EVI5: variants seen among roughly 807,000 people sequenced by gnomAD.
EVI5 encodes ecotropic viral integration site 5, also known as ecotropic viral integration site 5 protein homolog.
In EVI5, 73 loss-of-function variants were observed where a neutral mutation model predicts 112.0. That is an observed-to-expected ratio of 0.65 (90% CI 0.54 to 0.79). The LOEUF (loss-of-function observed/expected upper bound fraction) is 0.79. Ranked by LOEUF, EVI5 falls within the 30% of genes least tolerant of loss-of-function variation. The pLI is 0.00. For missense variants in EVI5, 900 were observed against 968.8 expected, an observed-to-expected ratio of 0.93 and a Z score of 0.94; for synonymous variants, 305 against 319.9, an observed-to-expected ratio of 0.95 and a Z score of 0.50.
intron 5 of EVI5, among the ~76,000 whole-genome samples, chr1:92,698,207 C>T (rs574026453): frequency 4.5e-4 from 68 of 152,288 alleles, no homozygotes; most frequent in African/African-American, 1.5e-3. Context: ...AACCAACTGC[C>T]TCAACTTGCC....
intron 2 of EVI5, among the ~76,000 whole-genome samples, chr1:92,735,372 G>A (rs897527323): frequency 2.6e-5 from 4 of 152,046 alleles, no homozygotes; most frequent in South Asian, 2.1e-4. Flanking sequence ...TGGGGACAGC[G>A]ACGGGGATAA....
At chr1:92,744,064 CAT>C (rs948793391) in intron 1 of EVI5, among the ~76,000 whole-genome samples, 2 of 152,158 alleles carry the variant, frequency 1.3e-5, no homozygotes, top group Non-Finnish European at 2.9e-5. Flanking sequence ...GACTTCAACT[CAT>C]GTGTTACTTA....
intron 13 of EVI5, among the ~76,000 whole-genome samples, chr1:92,636,633 G>T (rs1457954322): frequency 6.6e-6 from 1 of 152,108 alleles, no homozygotes; most frequent in Non-Finnish European, 1.5e-5. Flanking sequence ...CATCCATCCA[G>T]ATACAAAGAA....
chr1:92,540,548 T>C (rs1232765475), intron 19 of EVI5, among the ~76,000 whole-genome samples: 1 of 152,214 alleles, frequency 6.6e-6, no homozygotes. Context: ...AATTGAATTG[T>C]AAGAGTTCTT....
intron 19 of EVI5, among the ~76,000 whole-genome samples, chr1:92,530,566 C>A (rs1264573188): frequency 6.6e-6 from 1 of 152,040 alleles, no homozygotes; most frequent in Non-Finnish European, 1.5e-5. Context: ...AGGTGCCCCT[C>A]TGGGACAAAG....
At chr1:92,552,451 C>T (rs1340530196) in intron 19 of EVI5, among the ~76,000 whole-genome samples, 2 of 152,166 alleles carry the variant, frequency 1.3e-5, no homozygotes, top group African/African-American at 4.8e-5. Context: ...ATCAAATTAA[C>T]TTTTCCACTT....
chr1:92,705,008 T>C (rs1671751355), intron 2 of EVI5, among the ~76,000 whole-genome samples: 1 of 152,126 alleles, frequency 6.6e-6, no homozygotes, highest in East Asian at 1.9e-4. Flanking sequence ...TTTCCCTTCG[T>C]CTCCATTAAA....
intron 18 of EVI5, among the ~76,000 whole-genome samples, chr1:92,580,288 G>A (rs182493731): frequency 6.6e-6 from 1 of 152,204 alleles, no homozygotes; most frequent in East Asian, 1.9e-4. Context: ...GTAATCTTTT[G>A]CAATTGTCTG....
chr1:92,717,598 C>T (rs938382254), intron 2 of EVI5, among the ~76,000 whole-genome samples: 1 of 152,122 alleles, frequency 6.6e-6, no homozygotes, highest in African/African-American at 2.4e-5. Flanking sequence ...ACATGACAAA[C>T]TGTAAAGACC....
At chr1:92,696,532 G>T (rs1374069433) in intron 6 of EVI5, among the ~76,000 whole-genome samples, 1 of 152,000 alleles carries the variant, frequency 6.6e-6, no homozygotes, top group East Asian at 1.9e-4. Context: ...AGCTATCCAG[G>T]AGGCTGAGGG....
chr1:92,539,630 A>C (rs954845866), intron 19 of EVI5, among the ~76,000 whole-genome samples: 1 of 152,014 alleles, frequency 6.6e-6, no homozygotes, highest in Non-Finnish European at 1.5e-5. Flanking sequence ...AAATACTTTA[A>C]TAGACCCCAT....
rs1553169690 is a variant in EVI5 at position 92,527,429 on chromosome 1, A to AAAAAG, written c.2167-13464_2167-13460dup. ...GACACTGTCTCAAAAAAAAAAAAAA[A>AAAAAG]AAAAGAAAAAAAGAAATAAAAGAAA... On this transcript the variant is annotated intron_variant, in intron 19 of 19. Coordinates refer to ENST00000684568, the MANE Select transcript of EVI5 (RefSeq NM_001350197.2). Among the ~76,000 whole-genome samples, 99 of 134,736 alleles carry AAAAAG rather than the reference A, an allele frequency of 7.3e-4. 2 individuals carry two copies. Among genetic ancestry groups the AAAAAG allele is most frequent in the African/African-American group, 9.5e-4 (34 of 35,720 alleles). 88.4% of individuals were successfully genotyped at this position (134,736 alleles called of 152,430 possible).
rs1659260711 is a variant in EVI5, at chr1:92,512,699, TAAAAC to T, written c.*952_*956del. On this transcript the variant is annotated 3_prime_UTR_variant, in exon 20 of 20. Coordinates refer to ENST00000684568, the MANE Select transcript of EVI5 (RefSeq NM_001350197.2). ...TCATATGCACATAAAAGTTAAACAT[TAAAAC>T]AAAACTTAAAACTCTCAAAACAGAT... 6.6e-6 allele frequency: 1 copy of T among 152,130 alleles called. No individual in the cohort carries two copies. Among genetic ancestry groups the T allele is most frequent in the African/African-American group, 2.4e-5 (1 of 41,416 alleles). 9.4% of individuals were successfully genotyped at this position (152,130 alleles called of 1,614,324 possible). A position where few individuals can be genotyped will look rare whatever the true frequency, so the allele number is the denominator to read the frequency against.
chr1:92,642,684 T>C (rs547026323), intron 13 of EVI5, among the ~76,000 whole-genome samples: 3 of 152,388 alleles, frequency 2.0e-5, no homozygotes, highest in East Asian at 3.9e-4. Context: ...CCAGGTAAGA[T>C]GGGTTTATAT....
chr1:92,715,727 T>C (rs1457923053), intron 2 of EVI5, among the ~76,000 whole-genome samples: 3 of 152,168 alleles, frequency 2.0e-5, no homozygotes, highest in African/African-American at 7.2e-5. Context: ...AGTGACAGAC[T>C]GTACCTGGAA....
intron 16 of EVI5, among the ~76,000 whole-genome samples, chr1:92,615,634 C>T (rs139915478): frequency 8.8e-4 from 134 of 152,302 alleles, no homozygotes; most frequent in African/African-American, 3.1e-3. Flanking sequence ...ATGCTGCCAT[C>T]AGCCTTTCTG....
chr1:92,751,632 G>A (rs1333618291), intron 1 of EVI5, among the ~76,000 whole-genome samples: 2 of 152,214 alleles, frequency 1.3e-5, no homozygotes, highest in Non-Finnish European at 2.9e-5. Flanking sequence ...GGTTGCATGA[G>A]AGGTGAGTTT....
At chr1:92,514,591 G>C (rs968026164) in intron 19 of EVI5, among the ~76,000 whole-genome samples, 4 of 152,186 alleles carry the variant, frequency 2.6e-5, no homozygotes, top group Non-Finnish European at 5.9e-5. Context: ...TAGTAGCAAA[G>C]TTTAGATTCA....
At chr1:92,654,152 C>T (rs1438243610) in intron 13 of EVI5, among the ~76,000 whole-genome samples, 1 of 152,106 alleles carries the variant, frequency 6.6e-6, no homozygotes, top group Non-Finnish European at 1.5e-5. Flanking sequence ...TTCCACAGCC[C>T]AGCCCATTGC....
Sources: allele counts gnomAD v4.1 joint callset (sites outside exome capture counted in the v4.1 genomes callset), GRCh38; gene constraint gnomAD v4.1.1; transcripts MANE v1.5; gene names NCBI Gene and HGNC (gene_info 2026-07-23, HGNC 2026-07-21).